Variants in CRPPA observed in about 807,000 individuals in gnomAD.
The protein encoded by CRPPA is CDP-L-ribitol pyrophosphorylase A, also known as D-ribitol-5-phosphate cytidylyltransferase.
A neutral mutation model predicts 52.0 loss-of-function variants in CRPPA; 43 were observed. That is an observed-to-expected ratio of 0.83 (90% CI 0.65 to 1.07). CRPPA has a LOEUF of 1.07. CRPPA is among the 50% of genes least tolerant of loss of function. CRPPA has a pLI of 0.00. For synonymous variants in CRPPA, 250 were observed against 203.5 expected (o/e 1.23, Z -1.94); for missense variants, 629 against 551.7 (o/e 1.14, Z -1.40).
chr7:16,133,473 T>C (rs982983569), intron 9 of CRPPA, among the ~76,000 whole-genome samples: 2 of 124,890 alleles, frequency 1.6e-5, no homozygotes, highest in African/African-American at 5.2e-5. Flanking sequence ...ACTACTGTAA[T>C]AATTTCATAG....
rs751232682 is a variant in CRPPA, at chr7:16,239,559, CAAAAAAA to C, written c.1119+18824_1119+18830del. ...CCATTATTTAAATAGAAGTCAATAG[CAAAAAAA>C]AAAAAAAAAAAAAAAAAACTAGTGA... On this transcript the variant is annotated intron_variant, in intron 8 of 9. Coordinates refer to ENST00000407010, the MANE Select transcript of CRPPA (RefSeq NM_001101426.4). Among the ~76,000 whole-genome samples the C allele has an allele frequency of 4.0e-4, 19 of 47,620 alleles. No individual in the cohort carries two copies. In the Admixed American group the frequency reaches 4.3e-3, roughly 11 times the overall value. 31.2% of individuals were successfully genotyped at this position (47,620 alleles called of 152,430 possible).
intron 9 of CRPPA, among the ~76,000 whole-genome samples, chr7:16,180,686 T>G (rs1240641118): frequency 1.3e-5 from 2 of 152,074 alleles, no homozygotes; most frequent in African/African-American, 4.8e-5. Context: ...TCTCCAATTG[T>G]TACAGTCAGC....
chr7:16,286,988 C>A (rs991871202), intron 5 of CRPPA, among the ~76,000 whole-genome samples: 2 of 152,164 alleles, frequency 1.3e-5, no homozygotes, highest in South Asian at 2.1e-4. Context: ...AGCCAATAAT[C>A]ATTTCAATAG....
chr7:16,112,061 T>A (rs751802098), intron 9 of CRPPA, among the ~76,000 whole-genome samples: 16 of 152,352 alleles, frequency 1.1e-4, no homozygotes, highest in Admixed American at 6.5e-4. Flanking sequence ...ATGCCTGTAA[T>A]CCCAGCACTT....
intron 9 of CRPPA, among the ~76,000 whole-genome samples, chr7:16,110,738 T>C (rs1011147523): frequency 6.6e-6 from 1 of 151,958 alleles, no homozygotes; most frequent in Admixed American, 6.6e-5. Context: ...AACCTAGATA[T>C]CCACATTCAG....
chr7:16,209,276 T>C, intron 9 of CRPPA: 1 of 170,772 alleles, frequency 5.9e-6, no homozygotes, highest in Non-Finnish European at 1.3e-5. Flanking sequence ...TAAGTGTCTT[T>C]TTTTTTTTTT....
At chr7:16,300,218 A>T (rs961062693) in intron 5 of CRPPA, among the ~76,000 whole-genome samples, 5 of 152,212 alleles carry the variant, frequency 3.3e-5, no homozygotes, top group African/African-American at 1.2e-4. Context: ...CAACAAATAC[A>T]TTGTCATGAT....
chr7:16,193,151 C>T (rs35978678), intron 9 of CRPPA, among the ~76,000 whole-genome samples: 41,751 of 151,972 alleles, frequency 0.27, 6,329 homozygotes, highest in East Asian at 0.51. Flanking sequence ...AACTGTTATC[C>T]TGTCAATCCA....
intron 1 of CRPPA, among the ~76,000 whole-genome samples, chr7:16,419,939 T>G (rs754064675): frequency 2.6e-5 from 4 of 152,206 alleles, no homozygotes; most frequent in Non-Finnish European, 4.4e-5. Flanking sequence ...CACAGCCGAC[T>G]CTGCGTGAAT....
intron 3 of CRPPA, among the ~76,000 whole-genome samples, chr7:16,314,580 T>G (rs893917740): frequency 6.6e-6 from 1 of 152,052 alleles, no homozygotes; most frequent in Non-Finnish European, 1.5e-5. Flanking sequence ...ATTTTGAACA[T>G]TTTTTTACAA....
chr7:16,397,573 G>A (rs1034091598), intron 2 of CRPPA, among the ~76,000 whole-genome samples: 5 of 140,854 alleles, frequency 3.5e-5, no homozygotes, highest in African/African-American at 9.5e-5. Context: ...CAATTTGACT[G>A]ACATATGAGA....
At chr7:16,159,159 G>C (rs1407166668) in intron 9 of CRPPA, among the ~76,000 whole-genome samples, 2 of 152,124 alleles carry the variant, frequency 1.3e-5, no homozygotes, top group Non-Finnish European at 2.9e-5. Flanking sequence ...GCTCACACCT[G>C]TAATCCCAGC....
In CRPPA at chr7:16,418,723, G is replaced by A. The variant is rs1028315181; in HGVS notation, c.257+2343C>T. 3.9e-5 allele frequency among the ~76,000 whole-genome samples: 6 copies of A among 152,128 alleles called. No individual in the cohort carries two copies. In the South Asian group the frequency reaches 6.2e-4, roughly 16 times the overall value. On this transcript the variant is annotated intron_variant, in intron 1 of 9. Coordinates refer to ENST00000407010, the MANE Select transcript of CRPPA (RefSeq NM_001101426.4). ...ATTCAATTACCTCCACCTGATCTCT[G>A]TCCCATGATTCAATTACTTCCACCT...
In CRPPA at chr7:16,381,919, C is replaced by A. The variant is rs183278607; in HGVS notation, c.535-5678G>T. Among the ~76,000 whole-genome samples, 1,042 of 152,232 alleles carry A rather than the reference C, an allele frequency of 6.8e-3. 12 individuals are homozygous for A. The highest frequency in any genetic ancestry group is 0.024 in the African/African-American group (1,009 of 41,492). ...TGAGATGGGTTTCCTGAATACAGTG[C>A]ACTGATGGGTCTTCACTCTTTATCC... On this transcript the variant is annotated intron_variant, in intron 2 of 9. Coordinates refer to ENST00000407010, the MANE Select transcript of CRPPA (RefSeq NM_001101426.4).
chr7:16,156,523 C>T (rs1783184863), intron 9 of CRPPA, among the ~76,000 whole-genome samples: 1 of 152,164 alleles, frequency 6.6e-6, no homozygotes, highest in Non-Finnish European at 1.5e-5. Context: ...CATACTTCTG[C>T]CTCTCCCACA....
At chr7:16,263,668 C>T (rs746601419) in intron 6 of CRPPA, among the ~76,000 whole-genome samples, 34 of 152,000 alleles carry the variant, frequency 2.2e-4, no homozygotes, top group Non-Finnish European at 4.3e-4. Context: ...CAGAGAACTG[C>T]TTGAACCTGG....
At chr7:16,252,693 T>C (rs994708997) in intron 8 of CRPPA, among the ~76,000 whole-genome samples, 1 of 152,194 alleles carries the variant, frequency 6.6e-6, no homozygotes, top group Non-Finnish European at 1.5e-5. Flanking sequence ...CCAGCTCCTC[T>C]TTGTACCTCT....
intron 9 of CRPPA, among the ~76,000 whole-genome samples, chr7:16,167,712 C>A (rs1781096549): frequency 1.3e-5 from 2 of 152,218 alleles, no homozygotes; most frequent in Admixed American, 1.3e-4. Context: ...ATTTCACGGA[C>A]TTCTTTGATT....
intron 2 of CRPPA, among the ~76,000 whole-genome samples, chr7:16,399,442 T>C (rs377026201): frequency 1.5e-3 from 235 of 152,184 alleles, no homozygotes; most frequent in African/African-American, 5.1e-3. Context: ...GATTGGCACA[T>C]GTCCAACATG....
Sources: allele counts gnomAD v4.1 joint callset (sites outside exome capture counted in the v4.1 genomes callset), GRCh38; gene constraint gnomAD v4.1.1; transcripts MANE v1.5; gene names NCBI Gene and HGNC (gene_info 2026-07-23, HGNC 2026-07-21).